The following DNAAF11 variants were observed in gnomAD, a reference collection of about 807,000 sequenced individuals.
DNAAF11 encodes the protein dynein axonemal assembly factor 11, also known as leucine rich repeat containing 6.
Under a neutral mutation model 60.8 loss-of-function variants are expected in DNAAF11, and 45 were observed. The observed-to-expected ratio is 0.74, with a 90% CI of 0.58 to 0.95. The LOEUF (loss-of-function observed/expected upper bound fraction) is 0.95, where lower values mean the gene tolerates loss of function less well. DNAAF11 is among the 40% of genes least tolerant of loss of function. DNAAF11 has a pLI of 0.00. For synonymous variants in DNAAF11, 191 were observed against 183.5 expected, an observed-to-expected ratio of 1.04 and a Z score of -0.33; for missense variants, 546 against 546.2, an observed-to-expected ratio of 1.00 and a Z score of 0.00.
At chr8:132,702,799 A>T in the DNAAF11 span, among the ~76,000 whole-genome samples, 12 of 152,200 alleles carry the variant, frequency 7.9e-5, no homozygotes, top group Non-Finnish European at 8.8e-5. Flanking sequence ...TAGCTGGATC[A>T]CAGTCTAGTC....
Position 132,571,491 on chromosome 8 carries a change from G to C in DNAAF11, c.*815C>G, listed in dbSNP as rs111911833. ...AATAGAGGAGAAGGAGTGGGATGGG[G>C]AGTAAAAAGGTGAAGAAAAAGAATA... On this transcript the variant is annotated 3_prime_UTR_variant, in exon 12 of 12. Transcript: ENST00000620350. 5.9e-5 allele frequency among the ~76,000 whole-genome samples: 9 copies of C among 151,948 alleles called. No homozygotes were observed. Among genetic ancestry groups the C allele is most frequent in the Non-Finnish European group, 1.0e-4 (7 of 67,986 alleles).
chr8:132,624,957 T>TAG (rs1820102057), intron 6 of DNAAF11, among the ~76,000 whole-genome samples: 1 of 152,180 alleles, frequency 6.6e-6, no homozygotes, highest in Non-Finnish European at 1.5e-5. Context: ...AATGACCTTT[T>TAG]TCTAGGCTAG....
chr8:132,629,050 C>A (rs1026964750), intron 5 of DNAAF11, among the ~76,000 whole-genome samples: 8 of 152,076 alleles, frequency 5.3e-5, no homozygotes, highest in African/African-American at 1.9e-4. Flanking sequence ...TAATCATGGA[C>A]AAAGGATGTT....
chr8:132,655,623 C>T (rs1294709688), intron 3 of DNAAF11, among the ~76,000 whole-genome samples: 1 of 152,070 alleles, frequency 6.6e-6, no homozygotes, highest in Non-Finnish European at 1.5e-5. Context: ...AGTAAAAAGA[C>T]AAATAATATA....
chr8:132,607,413 C>G (rs1262038485), intron 10 of DNAAF11, among the ~76,000 whole-genome samples: 1 of 152,126 alleles, frequency 6.6e-6, no homozygotes, highest in Non-Finnish European at 1.5e-5. Context: ...ACAGCTAGCA[C>G]AAAGTGAAAC....
At chr8:132,633,378 C>T (rs942927062) in intron 4 of DNAAF11, among the ~76,000 whole-genome samples, 5 of 151,996 alleles carry the variant, frequency 3.3e-5, no homozygotes, top group African/African-American at 4.8e-5. Context: ...ACAAATGAGC[C>T]CATGTTTCAC....
the DNAAF11 span, among the ~76,000 whole-genome samples, chr8:132,684,132 A>G: frequency 6.6e-6 from 1 of 152,174 alleles, no homozygotes; most frequent in Admixed American, 6.5e-5. Context: ...CTTTCTCCAT[A>G]CAACACTTCC....
chr8:132,607,303 A>C (rs1235168470), intron 10 of DNAAF11, among the ~76,000 whole-genome samples: 8 of 152,188 alleles, frequency 5.3e-5, no homozygotes, highest in Non-Finnish European at 7.4e-5. Flanking sequence ...ACTTTCTGGG[A>C]AATGTGGCTG....
At chr8:132,603,753 G>A (rs1258368300) in intron 10 of DNAAF11, among the ~76,000 whole-genome samples, 2 of 152,060 alleles carry the variant, frequency 1.3e-5, no homozygotes, top group Non-Finnish European at 2.9e-5. Flanking sequence ...ATTTTGTTCT[G>A]TCTTTGTTTT....
Position 132,570,930 on chromosome 8 carries a change from G to C in DNAAF11, c.*1376C>G, listed in dbSNP as rs1280037298. Among the ~76,000 whole-genome samples the C allele has an allele frequency of 6.6e-6, 1 of 152,162 alleles. No homozygotes were observed. Among genetic ancestry groups the C allele is most frequent in the East Asian group, 1.9e-4 (1 of 5,194 alleles). On this transcript the variant is annotated 3_prime_UTR_variant, in exon 12 of 12. Transcript: ENST00000620350. ...CCTACTTCAGCTTCTCAGATTCTGT[G>C]CAAGTTCTGAATTGTCTACCTGTAC...
rs554196097 is a variant in DNAAF11, at chr8:132,588,486, A to G, written c.1141-4707T>C. ...ACTGAGCATCTGTTATATGCCAAGCATAGGACTGAGAGGCAGATATGGAAT... is the reference window on the plus strand; with the variant it reads ...ACTGAGCATCTGTTATATGCCAAGCGTAGGACTGAGAGGCAGATATGGAAT... On this transcript the variant is annotated intron_variant, in intron 10 of 11. Transcript: ENST00000620350. 2.0e-5 allele frequency among the ~76,000 whole-genome samples: 3 copies of G among 152,322 alleles called. No homozygotes were observed. The East Asian group carries it at 5.8e-4, about 29-fold the overall frequency.
At chr8:132,637,560 G>A (rs968394288) in intron 4 of DNAAF11, among the ~76,000 whole-genome samples, 5 of 151,660 alleles carry the variant, frequency 3.3e-5, no homozygotes, top group African/African-American at 4.9e-5. Context: ...AGCCGAGATC[G>A]TGCCACTGCA....
the DNAAF11 span, chr8:132,687,665 A>G: frequency 2.2e-6 from 1 of 456,274 alleles, no homozygotes; most frequent in South Asian, 1.5e-5. Context: ...TCTGTTTTGC[A>G]AATGAGGAAA....
At chr8:132,583,641 G>T in intron 11 of DNAAF11, 53 bp downstream of exon 11, 2 of 1,390,100 alleles carry the variant, frequency 1.4e-6, no homozygotes, top group Non-Finnish European at 2.0e-6. Flanking sequence ...ACCAACAAAT[G>T]ACAATGAAGA....
chr8:132,594,122 A>T (rs1203853347), intron 10 of DNAAF11, among the ~76,000 whole-genome samples: 1 of 152,170 alleles, frequency 6.6e-6, no homozygotes, highest in South Asian at 2.1e-4. Flanking sequence ...CTGACAGAAA[A>T]TATTTAAAAA....
the DNAAF11 span, chr8:132,687,437 C>T: frequency 5.8e-6 from 2 of 346,784 alleles, no homozygotes; most frequent in East Asian, 1.5e-4. Flanking sequence ...TTATCCTGCT[C>T]TCCAGAGAGT....
chr8:132,584,236 T>C (rs1395504910), intron 10 of DNAAF11, among the ~76,000 whole-genome samples: 6 of 152,138 alleles, frequency 3.9e-5, no homozygotes, highest in African/African-American at 1.4e-4. Flanking sequence ...AGGAATCGGT[T>C]TATGATCTGA....
chr8:132,693,754 T>C, the DNAAF11 span, among the ~76,000 whole-genome samples: 1 of 152,036 alleles, frequency 6.6e-6, no homozygotes, highest in South Asian at 2.1e-4. Flanking sequence ...AGTATGGATG[T>C]CTTGGGAGAC....
chr8:132,578,451 G>A (rs1318569412), intron 11 of DNAAF11: 12 of 1,524,894 alleles, frequency 7.9e-6, no homozygotes, highest in African/African-American at 5.5e-5. Flanking sequence ...TAGGACGGAC[G>A]CCCATCACTG....
Sources: gnomAD v4.1 joint callset for allele counts (sites outside exome capture counted in the v4.1 genomes callset) on GRCh38, gnomAD v4.1.1 for gene constraint, MANE v1.5 for transcripts, NCBI Gene and HGNC (gene_info 2026-07-23, HGNC 2026-07-21) for gene names.